The following LRRC40 variants were observed in gnomAD, a reference collection of about 807,000 sequenced individuals.
The protein encoded by LRRC40 is leucine rich repeat containing 40.
In LRRC40, 76 loss-of-function variants were observed where a neutral mutation model predicts 72.8. The ratio of observed to expected loss-of-function variants is 1.04; its 90% CI spans 0.87 to 1.26. The LOEUF (loss-of-function observed/expected upper bound fraction) is 1.26. LRRC40 is among the 50% of genes most tolerant of loss of function. The probability of loss-of-function intolerance (pLI) is 0.00; values close to 1 mark genes in which losing one functional copy is unlikely to be tolerated. For synonymous variants in LRRC40, 243 were observed against 254.2 expected, an observed-to-expected ratio of 0.96 and a Z score of 0.42; for missense variants, 684 against 698.9, an observed-to-expected ratio of 0.98 and a Z score of 0.24.
chr1:70,166,503 T>A (rs1041319699), intron 9 of LRRC40, among the ~76,000 whole-genome samples: 1 of 151,838 alleles, frequency 6.6e-6, no homozygotes, highest in Non-Finnish European at 1.5e-5. Flanking sequence ...TACAAAAAAA[T>A]AAAAATAGCC....
At chr1:70,151,382 C>G (rs184574743) in intron 12 of LRRC40, among the ~76,000 whole-genome samples, 177 bp from the exon 13 acceptor site, 2 of 152,104 alleles carry the variant, frequency 1.3e-5, no homozygotes, top group African/African-American at 4.8e-5. Context: ...CGCAGTTATT[C>G]GGTTAGTATG....
chr1:70,149,147 T>G (rs891549590), intron 13 of LRRC40, among the ~76,000 whole-genome samples: 2 of 152,204 alleles, frequency 1.3e-5, no homozygotes, highest in Non-Finnish European at 2.9e-5. Flanking sequence ...GACTGCTGGC[T>G]TTCTTGTCCA....
intron 13 of LRRC40, among the ~76,000 whole-genome samples, chr1:70,150,575 A>G (rs1261346148): frequency 2.0e-5 from 3 of 152,222 alleles, no homozygotes; most frequent in Non-Finnish European, 2.9e-5. Flanking sequence ...TTCGTTGAGC[A>G]CAAAAAGCTC....
intron 5 of LRRC40, chr1:70,180,411 G>C (rs1668218557): frequency 6.6e-6 from 1 of 151,966 alleles, no homozygotes; most frequent in African/African-American, 2.4e-5. Flanking sequence ...TGGGTAACTG[G>C]GACTACAGAC....
chr1:70,182,988 C>T (rs942922636), intron 4 of LRRC40, among the ~76,000 whole-genome samples: 7 of 152,118 alleles, frequency 4.6e-5, no homozygotes, highest in Non-Finnish European at 7.4e-5. Flanking sequence ...AAATCAACTG[C>T]TACCTTTTAC....
chr1:70,182,093 A>C (rs907437117), intron 4 of LRRC40, among the ~76,000 whole-genome samples: 3 of 152,048 alleles, frequency 2.0e-5, no homozygotes, highest in African/African-American at 4.8e-5. Flanking sequence ...AAGAAGATAG[A>C]AAAAGGTAAA....
rs372860649 is a variant in LRRC40 at position 70,158,187 on chromosome 1, T to G, written c.1220+1143A>C. 6.9e-4 allele frequency among the ~76,000 whole-genome samples: 103 copies of G among 150,236 alleles called. 2 individuals are homozygous for G. The South Asian group carries it at 0.021, about 31-fold the overall frequency. On this transcript the variant is annotated intron_variant, in intron 10 of 14. Coordinates refer to ENST00000370952, the MANE Select transcript of LRRC40 (RefSeq NM_017768.5). Reference sequence around the variant, plus strand: ...TGTAAGTACAGAAGAGTGCTACCTGTGTTAGCGTGGCAAAAGAAACTTAGC... The same window carrying G: ...TGTAAGTACAGAAGAGTGCTACCTGGGTTAGCGTGGCAAAAGAAACTTAGC...
chr1:70,179,334 A>T (rs1668190867), intron 5 of LRRC40, among the ~76,000 whole-genome samples: 1 of 152,142 alleles, frequency 6.6e-6, no homozygotes, highest in Non-Finnish European at 1.5e-5. Context: ...AAATTAAAAA[A>T]AAATTAGCTG....
rs2100213345 is a variant in LRRC40, at chr1:70,145,821, C to G, written c.1788G>C (p.Leu596Phe). The G allele has an allele frequency of 6.2e-7, 1 of 1,605,338 alleles. No homozygotes were observed. Among genetic ancestry groups the G allele is most frequent in the East Asian group, 2.2e-5 (1 of 44,750 alleles). ...MKGTAAILEY[L>F]RDRIPT is the part of the protein sequence containing the mutation. ...CATGTTAAGTAGGAATTCGGTCTCT[C>G]AAATATTCAAGTATAGCAGCTGTTC... Residue 596 changes from leucine to phenylalanine, a missense_variant, in exon 15 of 15, where the codon TTG (leucine) becomes TTC (phenylalanine). Transcript: ENST00000370952.
At chr1:70,169,260 G>A (rs1667951977) in intron 9 of LRRC40, among the ~76,000 whole-genome samples, 1 of 152,134 alleles carries the variant, frequency 6.6e-6, no homozygotes. Context: ...CCTGCCTCTT[G>A]GCAGACAGCC....
chr1:70,195,824 C>T (rs895882512), intron 1 of LRRC40, among the ~76,000 whole-genome samples: 4 of 151,984 alleles, frequency 2.6e-5, no homozygotes, highest in Non-Finnish European at 5.9e-5. Flanking sequence ...TTAGTAGAGG[C>T]GGGGTTTCGC....
Position 70,151,224 on chromosome 1 carries a change from C to CA in LRRC40, c.1440-20dup. 8.0e-7 allele frequency: 1 copy of CA among 1,254,872 alleles called. No individual in the cohort carries two copies. The allele number at this position is 1,254,872 out of a possible 1,614,324, so 77.7% of individuals were successfully genotyped here. A position where few individuals can be genotyped will look rare whatever the true frequency, so the allele number is the denominator to read the frequency against. ...ATTGTTCCTAAATTGGAAATCAAAA[C>CA]AGAAGATTTACAAAGTTTGAAAAAT... On this transcript the variant is annotated intron_variant, in intron 12 of 14. Coordinates refer to ENST00000370952, the MANE Select transcript of LRRC40 (RefSeq NM_017768.5).
rs746795818 is a variant in LRRC40 at position 70,145,807 on chromosome 1, G to A, written c.1802C>T (p.Pro601Leu). The change falls in exon 15 of 15, where the codon CCT (proline) becomes CTT (leucine). Residue 601 changes from proline to leucine, a missense_variant. Pro to Leu is a moderately conservative substitution (Grantham distance 98). Transcript: ENST00000370952. Reference protein sequence around the residue: ...AILEYLRDRIPT With the variant: ...AILEYLRDRILT ...TTATAAAGCAACTCCATGTTAAGTA[G>A]GAATTCGGTCTCTCAAATATTCAAG... The A allele has an allele frequency of 1.3e-6, 2 of 1,574,246 alleles. No individual in the cohort carries two copies. The highest frequency in any genetic ancestry group is 1.7e-6 in the Non-Finnish European group (2 of 1,145,000).
intron 4 of LRRC40, among the ~76,000 whole-genome samples, chr1:70,183,851 G>C (rs1434225479): frequency 6.6e-6 from 1 of 152,098 alleles, no homozygotes; most frequent in Non-Finnish European, 1.5e-5. Flanking sequence ...ACCACACCTA[G>C]CTCCAAATTT....
At position 70,145,615 on chromosome 1, in the gene LRRC40, G is replaced by A. The variant is rs1667266037; in HGVS notation, c.*185C>T. 2.5e-6 allele frequency: 1 copy of A among 402,242 alleles called. No individual in the cohort carries two copies. The highest frequency in any genetic ancestry group is 4.4e-6 in the Non-Finnish European group (1 of 226,248). The allele number at this position is 402,242 out of a possible 1,614,324, so 24.9% of individuals were successfully genotyped here. ...CCTTACAAAAATCTTAAATAAAAAT[G>A]TAAAAATATTTACTGGCAGTGAATA... On this transcript the variant is annotated 3_prime_UTR_variant, in exon 15 of 15. Transcript: ENST00000370952.
intron 1 of LRRC40, among the ~76,000 whole-genome samples, chr1:70,196,608 A>G (rs1438699863): frequency 6.6e-6 from 1 of 152,154 alleles, no homozygotes; most frequent in Non-Finnish European, 1.5e-5. Flanking sequence ...CAAAAACATG[A>G]TTCTAAACAA....
chr1:70,183,407 GAAAA>G (rs991475252), intron 4 of LRRC40, among the ~76,000 whole-genome samples: 1 of 142,030 alleles, frequency 7.0e-6, no homozygotes. Flanking sequence ...TGGTAAAATG[GAAAA>G]AAAAAAAGAG....
At chr1:70,170,795 T>A (rs936035452) in intron 9 of LRRC40, among the ~76,000 whole-genome samples, 3 of 152,138 alleles carry the variant, frequency 2.0e-5, no homozygotes, top group African/African-American at 7.2e-5. Flanking sequence ...CCCAAACTGA[T>A]CTACAGAAAT....
intron 4 of LRRC40, among the ~76,000 whole-genome samples, chr1:70,183,915 T>C (rs2100315963): frequency 6.6e-6 from 1 of 152,278 alleles, no homozygotes; most frequent in South Asian, 2.1e-4. Context: ...CATTGCCATA[T>C]GTAATGCTCA....
Sources: allele counts gnomAD v4.1 joint callset (sites outside exome capture counted in the v4.1 genomes callset), GRCh38; gene constraint gnomAD v4.1.1; transcripts MANE v1.5; gene names NCBI Gene and HGNC (gene_info 2026-07-23, HGNC 2026-07-21).